Variants in MINDY3 observed in about 807,000 individuals in gnomAD.
MINDY3 encodes the protein MINDY lysine 48 deubiquitinase 3, also known as ubiquitin carboxyl-terminal hydrolase MINDY-3.
In MINDY3, 38 loss-of-function variants were observed where a neutral mutation model predicts 69.2. That is an observed-to-expected ratio of 0.55 (90% confidence interval 0.42 to 0.72). MINDY3 has a LOEUF of 0.72. Among genes scored for constraint, MINDY3 ranks in the 30% least tolerant of loss-of-function variants. MINDY3 has a pLI of 0.00. For synonymous variants in MINDY3, 192 were observed against 180.1 expected (o/e 1.07, Z -0.53); for missense variants, 522 against 519.0 (o/e 1.01, Z -0.06).
chr10:15,783,361 T>C (rs1014861275), intron 13 of MINDY3, among the ~76,000 whole-genome samples: 1 of 152,214 alleles, frequency 6.6e-6, no homozygotes. Flanking sequence ...TTTTTAGTCT[T>C]ATCTCCAACT....
chr10:15,817,655 C>A (rs1182560970), intron 9 of MINDY3: 2 of 152,206 alleles, frequency 1.3e-5, no homozygotes, highest in African/African-American at 4.8e-5. Flanking sequence ...CTCAATTCCA[C>A]TCTCATATGA....
intron 12 of MINDY3, among the ~76,000 whole-genome samples, chr10:15,787,603 A>T (rs1837073001): frequency 6.6e-6 from 1 of 152,080 alleles, no homozygotes; most frequent in African/African-American, 2.4e-5. Flanking sequence ...TTGTGAGGGT[A>T]AGCTATGTTT....
At chr10:15,789,498 T>C (rs965829265) in intron 11 of MINDY3, among the ~76,000 whole-genome samples, 179 bp from the exon 12 acceptor site, 1 of 152,124 alleles carries the variant, frequency 6.6e-6, no homozygotes, top group Non-Finnish European at 1.5e-5. Context: ...CTTCTATTTG[T>C]TTTCTTGGAA....
rs780406411 is a variant in MINDY3 at position 15,833,830 on chromosome 10, G to A, written c.651-121C>T. On this transcript the variant is annotated intron_variant, in intron 7 of 14. Transcript: ENST00000277632. ...AATTATGTAAGAATTTACAAAGTTA[G>A]GGAAAACCTTACATTTTCAATTTTA... 9.0e-4 allele frequency: 631 copies of A among 697,960 alleles called. 2 individuals carry two copies. Among genetic ancestry groups the A allele is most frequent in the Non-Finnish European group, 1.3e-3 (548 of 406,484 alleles). The allele number at this position is 697,960 out of a possible 1,614,324, so 43.2% of individuals were successfully genotyped here. A position where few individuals can be genotyped will look rare whatever the true frequency, so the allele number is the denominator to read the frequency against.
intron 9 of MINDY3, 187 bp from the exon 10 acceptor site, chr10:15,817,102 A>C: frequency 1.8e-6 from 1 of 562,594 alleles, no homozygotes; most frequent in Non-Finnish European, 3.1e-6. Flanking sequence ...GAAGACTGTC[A>C]GTACTGAGCT....
intron 13 of MINDY3, among the ~76,000 whole-genome samples, chr10:15,783,023 T>C (rs1233683867): frequency 1.3e-5 from 2 of 152,158 alleles, no homozygotes; most frequent in Non-Finnish European, 2.9e-5. Flanking sequence ...TTCCTGGCCA[T>C]ATCCGATGGA....
chr10:15,827,772 A>G (rs1008613611), intron 8 of MINDY3, among the ~76,000 whole-genome samples: 6 of 152,166 alleles, frequency 3.9e-5, no homozygotes, highest in Non-Finnish European at 7.4e-5. Flanking sequence ...ACAGAAGAAG[A>G]ATACTCAAAA....
intron 8 of MINDY3, among the ~76,000 whole-genome samples, chr10:15,827,816 G>T (rs994814319): frequency 6.6e-6 from 1 of 152,130 alleles, no homozygotes; most frequent in Non-Finnish European, 1.5e-5. Flanking sequence ...TCAAGCTCAG[G>T]CTCAATGAGC....
rs1384610365 is a variant in MINDY3 at position 15,860,481 on chromosome 10, C to T, written c.-182G>A. The T allele has an allele frequency of 6.5e-6, 4 of 612,584 alleles. No homozygotes were observed. The highest frequency in any genetic ancestry group is 5.6e-5 in the African/African-American group (3 of 53,130). The allele number at this position is 612,584 out of a possible 1,614,324, so 37.9% of individuals were successfully genotyped here. ...CCAAGCCTGTCAAGCCAGGTTGGGG[C>T]AGCAGCGAGTTTTCCGTACCGGAAG... On this transcript the variant is annotated 5_prime_UTR_variant, in exon 1 of 15. Transcript: ENST00000277632.
intron 10 of MINDY3, among the ~76,000 whole-genome samples, chr10:15,805,258 G>C (rs541862644): frequency 6.6e-6 from 1 of 152,060 alleles, no homozygotes; most frequent in South Asian, 2.1e-4. Context: ...ATGATGAAAG[G>C]CTTAAAGAAT....
intron 8 of MINDY3, among the ~76,000 whole-genome samples, chr10:15,826,206 C>T (rs566117515): frequency 1.1e-4 from 16 of 152,188 alleles, no homozygotes; most frequent in East Asian, 5.8e-4. Context: ...ATTTTAAGTG[C>T]GTAGGGAAGC....
Position 15,812,892 on chromosome 10 carries a change from C to T in MINDY3, c.882+3943G>A, listed in dbSNP as rs146746973. ...CATTTCTACCCCTCCGCTGCCAATCCAATCCATCACCCAGTCCTGTCATTC... is the reference window on the plus strand; with the variant it reads ...CATTTCTACCCCTCCGCTGCCAATCTAATCCATCACCCAGTCCTGTCATTC... On this transcript the variant is annotated intron_variant, in intron 10 of 14. Coordinates refer to ENST00000277632, the MANE Select transcript of MINDY3 (RefSeq NM_024948.4). Among the ~76,000 whole-genome samples, 242 of 152,254 alleles carry T rather than the reference C, an allele frequency of 1.6e-3. 1 individual carries two copies. Among genetic ancestry groups the T allele is most frequent in the African/African-American group, 5.7e-3 (235 of 41,562 alleles).
At chr10:15,854,863 T>C (rs1317647143) in intron 1 of MINDY3, among the ~76,000 whole-genome samples, 1 of 152,112 alleles carries the variant, frequency 6.6e-6, no homozygotes, top group Non-Finnish European at 1.5e-5. Context: ...CTAAGGTTTC[T>C]GGTTATGTTA....
intron 10 of MINDY3, among the ~76,000 whole-genome samples, chr10:15,809,061 T>C (rs878876463): frequency 6.6e-6 from 1 of 152,196 alleles, no homozygotes; most frequent in Admixed American, 6.6e-5. Flanking sequence ...ATTTTGAATT[T>C]GCATTGAAAA....
chr10:15,803,339 A>G (rs542811554), intron 10 of MINDY3, among the ~76,000 whole-genome samples: 1 of 152,262 alleles, frequency 6.6e-6, no homozygotes, highest in African/African-American at 2.4e-5. Context: ...CCATGTAGCA[A>G]ACTTAATATT....
chr10:15,848,117 C>A (rs1833981720), intron 1 of MINDY3, among the ~76,000 whole-genome samples, 174 bp from the exon 2 acceptor site: 1 of 152,058 alleles, frequency 6.6e-6, no homozygotes, highest in African/African-American at 2.4e-5. Context: ...AACCTATCCA[C>A]CCCCACTCCC....
chr10:15,845,480 C>A (rs529078300), intron 2 of MINDY3, among the ~76,000 whole-genome samples: 2 of 152,118 alleles, frequency 1.3e-5, no homozygotes, highest in South Asian at 4.1e-4. Flanking sequence ...AAACAAAATT[C>A]TTTACAAAGT....
intron 9 of MINDY3, chr10:15,817,794 T>C (rs1269492838): frequency 1.3e-5 from 2 of 152,232 alleles, no homozygotes; most frequent in Non-Finnish European, 2.9e-5. Context: ...CCAAAAATTC[T>C]TTCCTAATCA....
At chr10:15,810,882 G>A (rs182194671) in intron 10 of MINDY3, among the ~76,000 whole-genome samples, 14 of 152,170 alleles carry the variant, frequency 9.2e-5, no homozygotes, top group East Asian at 5.8e-4. Context: ...AAAAACAGGC[G>A]AAGGACCTGA....
Sources: gnomAD v4.1 joint callset for allele counts (sites outside exome capture counted in the v4.1 genomes callset) on GRCh38, gnomAD v4.1.1 for gene constraint, MANE v1.5 for transcripts, NCBI Gene and HGNC (gene_info 2026-07-23, HGNC 2026-07-21) for gene names.